The following TMEM176B variants were observed in gnomAD, a reference collection of about 807,000 sequenced individuals.
The protein encoded by TMEM176B is transmembrane protein 176B, also known as LR8-like protein.
Under a neutral mutation model 30.3 loss-of-function variants are expected in TMEM176B, and 28 were observed. That is an observed-to-expected ratio of 0.92 (90% CI 0.68 to 1.27). TMEM176B has a LOEUF of 1.27. Among genes scored for constraint, TMEM176B ranks in the 50% most tolerant of loss-of-function variants. TMEM176B has a pLI of 0.00. For synonymous variants in TMEM176B, 123 were observed against 130.3 expected, an observed-to-expected ratio of 0.94 and a Z score of 0.38; for missense variants, 349 against 327.4, an observed-to-expected ratio of 1.07 and a Z score of -0.51.
At chr7:150,791,673 A>G in intron 6 of TMEM176B, 50 bp from the exon 7 acceptor site, 4 of 1,517,898 alleles carry the variant, frequency 2.6e-6, no homozygotes, top group Non-Finnish European at 3.6e-6. Context: ...ATGCAGGCAG[A>G]GTTAGTATCA....
intron 2 of TMEM176B, among the ~76,000 whole-genome samples, chr7:150,795,653 G>A (rs558627790): frequency 5.3e-5 from 8 of 152,270 alleles, no homozygotes; most frequent in African/African-American, 7.2e-5. Flanking sequence ...CAATAAAACC[G>A]AATTAACAGC....
chr7:150,793,931 C>T, intron 3 of TMEM176B, 30 bp downstream of exon 3: 2 of 1,548,592 alleles, frequency 1.3e-6, no homozygotes, highest in Non-Finnish European at 1.7e-6. Context: ...ACTTGCCTCC[C>T]TCCAGGCTCA....
intron 2 of TMEM176B, among the ~76,000 whole-genome samples, chr7:150,794,811 T>C (rs1179587127): frequency 6.6e-6 from 1 of 151,830 alleles, no homozygotes; most frequent in African/African-American, 2.4e-5. Context: ...CAACTCCGAC[T>C]CAGAAGAGAA....
At chr7:150,791,953 GC>G (rs1798327580) in intron 6 of TMEM176B, 102 bp downstream of exon 6, 2 of 1,522,976 alleles carry the variant, frequency 1.3e-6, no homozygotes. Flanking sequence ...GGGGCACCAG[GC>G]CCAGCCTCAG....
rs1228090463 is a variant in TMEM176B at position 150,793,119 on chromosome 7, T to G, written c.569A>C (p.Glu190Ala). ...CATCTGCATGTAAGCTCTACACTCC[T>G]CCTTCTGCCATTGGTTCTCTTGACT... The part of the protein sequence containing the change: ...RRSQENQWQK[E>A]ECRAYMQMLR... Residue 190 changes from glutamate to alanine, a missense_variant, in exon 5 of 7, where the codon GAG (glutamate) becomes GCG (alanine). Physicochemically the swap from Glu to Ala is moderately radical, Grantham distance 107. Transcript: ENST00000326442. 1.9e-6 allele frequency: 3 copies of G among 1,614,040 alleles called. No individual in the cohort carries two copies. Among genetic ancestry groups the G allele is most frequent in the Non-Finnish European group, 2.5e-6 (3 of 1,180,038 alleles).
chr7:150,801,018 C>T (rs1294693505), upstream of TMEM176B: 15 of 985,086 alleles, frequency 1.5e-5, no homozygotes, highest in African/African-American at 1.7e-5. Flanking sequence ...CGGTCCTTCA[C>T]GGGGCAGGGG....
intron 2 of TMEM176B, among the ~76,000 whole-genome samples, chr7:150,795,258 G>A (rs550749732): frequency 5.9e-5 from 9 of 152,292 alleles, no homozygotes; most frequent in African/African-American, 1.7e-4. Flanking sequence ...TCACCTGGTC[G>A]TTCAAGGCTC....
At chr7:150,799,216 T>C (rs1182389626) in intron 1 of TMEM176B, among the ~76,000 whole-genome samples, 2 of 152,362 alleles carry the variant, frequency 1.3e-5, no homozygotes, top group Admixed American at 1.3e-4. Flanking sequence ...TACATCCTCT[T>C]TTTCTCAGTG....
chr7:150,791,405 T>C lies in TMEM176B; in HGVS notation c.*126A>G, dbSNP rs942047542. Reference sequence around the variant, plus strand: ...AGAGTGGGAACAGCAGGTGCGGATGTGGGGAGAAGAAAGGAGGAGGGTCTG... The same window carrying C: ...AGAGTGGGAACAGCAGGTGCGGATGCGGGGAGAAGAAAGGAGGAGGGTCTG... On this transcript the variant is annotated 3_prime_UTR_variant, in exon 7 of 7. Transcript: ENST00000326442. The C allele has an allele frequency of 3.0e-6, 2 of 674,840 alleles. No individual in the cohort carries two copies. The highest frequency in any genetic ancestry group is 5.1e-6 in the Non-Finnish European group (2 of 394,466). The allele number at this position is 674,840 out of a possible 1,614,324, so 41.8% of individuals were successfully genotyped here.
intron 4 of TMEM176B, 114 bp downstream of exon 4, chr7:150,793,430 C>T (rs1798396990): frequency 2.6e-6 from 4 of 1,515,878 alleles, no homozygotes; most frequent in East Asian, 2.4e-5. Context: ...ACCCTCTCCT[C>T]CCCTCCAAGA....
At chr7:150,794,944 CACA>C (rs1798469901) in intron 2 of TMEM176B, among the ~76,000 whole-genome samples, 1 of 118,310 alleles carries the variant, frequency 8.5e-6, no homozygotes, top group African/African-American at 3.0e-5. Context: ...CACACACACA[CACA>C]CCTCTCGAAT....
At chr7:150,799,855 C>T (rs935098498) in intron 1 of TMEM176B, among the ~76,000 whole-genome samples, 16 of 152,360 alleles carry the variant, frequency 1.1e-4, no homozygotes, top group Admixed American at 2.6e-4. Context: ...TGAACCAGGC[C>T]GGCACCACGG....
intron 6 of TMEM176B, 87 bp downstream of exon 6, chr7:150,791,969 G>C (rs566776627): frequency 1.8e-5 from 29 of 1,573,166 alleles, no homozygotes; most frequent in Non-Finnish European, 2.3e-5. Context: ...CCTCAGGTTC[G>C]GGTGCCCCTG....
At chr7:150,799,891 C>T (rs1470514121) in intron 1 of TMEM176B, 1 of 152,512 alleles carries the variant, frequency 6.6e-6, no homozygotes, top group Non-Finnish European at 1.5e-5. Flanking sequence ...CCGCCCGACG[C>T]CTGGTAGGTG....
intron 1 of TMEM176B, among the ~76,000 whole-genome samples, chr7:150,796,932 C>T (rs1051853287): frequency 2.0e-5 from 3 of 151,722 alleles, no homozygotes; most frequent in East Asian, 1.9e-4. Context: ...CCAGCCTGGG[C>T]AACAGAGTGA....
rs1264554869 is a variant in TMEM176B, at chr7:150,793,254, A to G, written c.434T>C (p.Leu145Pro). 2 of 1,614,262 alleles carry G rather than the reference A, an allele frequency of 1.2e-6. No homozygotes were observed. The change falls in exon 5 of 7, where the codon CTC becomes CCC. Residue 145 changes from leucine to proline, a missense_variant. Leu to Pro is a moderately conservative substitution (Grantham distance 98, BLOSUM62 -3). Coordinates refer to ENST00000326442, the MANE Select transcript of TMEM176B (RefSeq NM_001101312.2). ...GFATAMAAVV[L>P]CVNSFIWQTE... Reference sequence around the variant, plus strand: ...TTGCCAGATGAAGCTATTCACGCAGAGGACAACAGCAGCCATAGCTGTAGC... The same window carrying G: ...TTGCCAGATGAAGCTATTCACGCAGGGGACAACAGCAGCCATAGCTGTAGC...
At chr7:150,793,463 CA>C in intron 4 of TMEM176B, 80 bp downstream of exon 4, 1 of 1,565,490 alleles carries the variant, frequency 6.4e-7, no homozygotes, top group Non-Finnish European at 8.7e-7. Context: ...TATTGACAAC[CA>C]AAGGGCAGAA....
Position 150,791,579 on chromosome 7 carries a change from C to T in TMEM176B, c.765G>A (p.Val255=). 6.2e-7 allele frequency: 1 copy of T among 1,613,884 alleles called. No individual in the cohort carries two copies. The change falls in exon 7 of 7, where the codon GTG becomes GTA. Residue 255 remains valine, a synonymous_variant. Coordinates refer to ENST00000326442, the MANE Select transcript of TMEM176B (RefSeq NM_001101312.2). ...SEKRLLGENS[V]PPSPSREQTS... is the part of the protein sequence containing the mutation. ...TCTGCTCCCTAGAGGGCGAAGGGGGCACTGAATTCTCCCCCAGTAGCCTCT... is the reference window on the plus strand; with the variant it reads ...TCTGCTCCCTAGAGGGCGAAGGGGGTACTGAATTCTCCCCCAGTAGCCTCT...
upstream of TMEM176B, chr7:150,801,213 G>A (rs1177532013): frequency 4.5e-6 from 1 of 223,212 alleles, no homozygotes; most frequent in Admixed American, 5.6e-5. Flanking sequence ...AAGAGCCCGG[G>A]AGGAGGGGGT....
Sources: allele counts gnomAD v4.1 joint callset (sites outside exome capture counted in the v4.1 genomes callset), GRCh38; gene constraint gnomAD v4.1.1; transcripts MANE v1.5; gene names NCBI Gene and HGNC (gene_info 2026-07-23, HGNC 2026-07-21).